Variants in TMTC2 observed in about 807,000 individuals in gnomAD.
TMTC2 encodes protein O-mannosyl-transferase TMTC2.
TMTC2 carries 43 observed loss-of-function variants against 82.4 expected under a neutral mutation model. The ratio of observed to expected loss-of-function variants is 0.52; its 90% CI spans 0.41 to 0.67. The LOEUF (loss-of-function observed/expected upper bound fraction) is 0.67. Among genes scored for constraint, TMTC2 ranks in the 30% least tolerant of loss-of-function variants. TMTC2 has a pLI of 0.00. For synonymous variants in TMTC2, 408 were observed against 381.9 expected (o/e 1.07, Z -0.80); for missense variants, 919 against 1,012.4 (o/e 0.91, Z 1.25).
At chr12:83,019,959 T>G (rs1457658574) in intron 8 of TMTC2, among the ~76,000 whole-genome samples, 1 of 152,198 alleles carries the variant, frequency 6.6e-6, no homozygotes, top group African/African-American at 2.4e-5. Context: ...TCACTCAACC[T>G]GGGCTTCACA....
intron 2 of TMTC2, among the ~76,000 whole-genome samples, chr12:82,891,373 G>T (rs1467798115): frequency 6.6e-6 from 1 of 152,058 alleles, no homozygotes; most frequent in Non-Finnish European, 1.5e-5. Flanking sequence ...CAATGACGGG[G>T]CCTCGGCTCA....
Position 83,077,263 on chromosome 12 carries a change from G to A in TMTC2, c.2331+15432G>A, listed in dbSNP as rs149223404. On this transcript the variant is annotated intron_variant, in intron 11 of 11. Transcript: ENST00000321196. ...GCAGCCATAAGACACTCATGGGAGT[G>A]GTGCCCGTGCTATGCCTGGAGGATA... Among the ~76,000 whole-genome samples, 4 of 152,312 alleles carry A rather than the reference G, an allele frequency of 2.6e-5. No individual in the cohort carries two copies. In the East Asian group the frequency reaches 7.7e-4, roughly 29 times the overall value.
chr12:82,923,165 C>G (rs1875493645), intron 3 of TMTC2, among the ~76,000 whole-genome samples: 1 of 152,150 alleles, frequency 6.6e-6, no homozygotes, highest in Admixed American at 6.5e-5. Context: ...TGACCTTATC[C>G]ATTTTTCTAT....
chr12:82,963,421 C>T (rs1878030529), intron 4 of TMTC2, among the ~76,000 whole-genome samples: 1 of 151,694 alleles, frequency 6.6e-6, no homozygotes, highest in Non-Finnish European at 1.5e-5. Context: ...TCCCCTGGTG[C>T]ACTTACCCTT....
At chr12:82,876,658 G>A (rs1285350757) in intron 2 of TMTC2, among the ~76,000 whole-genome samples, 5 of 151,988 alleles carry the variant, frequency 3.3e-5, no homozygotes, top group African/African-American at 1.2e-4. Context: ...TGTTTAATTA[G>A]TCTTTTTAAG....
intron 2 of TMTC2, among the ~76,000 whole-genome samples, chr12:82,865,924 C>T (rs866300555): frequency 2.0e-5 from 3 of 152,016 alleles, no homozygotes; most frequent in Admixed American, 6.6e-5. Flanking sequence ...GGGTACATAA[C>T]GAAATGAAGG....
intron 9 of TMTC2, among the ~76,000 whole-genome samples, chr12:83,041,797 G>GT (rs1881905877): frequency 6.6e-6 from 1 of 152,072 alleles, no homozygotes; most frequent in Non-Finnish European, 1.5e-5. Context: ...CATTATTTCC[G>GT]TAAGTACACG....
At chr12:82,785,468 A>G (rs1020300307) in intron 1 of TMTC2, among the ~76,000 whole-genome samples, 18 of 147,534 alleles carry the variant, frequency 1.2e-4, no homozygotes, top group Non-Finnish European at 5.9e-5. Flanking sequence ...TTTTCTGTGT[A>G]TCACATGACT....
Position 83,084,386 on chromosome 12 carries a change from A to C in TMTC2, c.2331+22555A>C, listed in dbSNP as rs188821646. Among the ~76,000 whole-genome samples, 415 of 152,292 alleles carry C rather than the reference A, an allele frequency of 2.7e-3. 5 individuals are homozygous for C. The highest frequency in any genetic ancestry group is 8.6e-3 in the African/African-American group (358 of 41,574). ...TACTTTTAAAAACATAACTTACATA[A>C]TAAAGGTAGAAGCTTTTTATTTCCC... On this transcript the variant is annotated intron_variant, in intron 11 of 11. Transcript: ENST00000321196.
chr12:82,724,363 A>G (rs1366689534), intron 1 of TMTC2, among the ~76,000 whole-genome samples: 2 of 152,182 alleles, frequency 1.3e-5, no homozygotes, highest in African/African-American at 2.4e-5. Flanking sequence ...CTCGAATTGT[A>G]TATGTATAAC....
intron 8 of TMTC2, among the ~76,000 whole-genome samples, chr12:82,991,094 T>C (rs1264033704): frequency 6.6e-6 from 1 of 152,192 alleles, no homozygotes; most frequent in Non-Finnish European, 1.5e-5. Context: ...ATCCCCTTTT[T>C]ATAAATGAAG....
At chr12:82,846,832 G>A (rs556902091) in intron 1 of TMTC2, among the ~76,000 whole-genome samples, 8 of 151,956 alleles carry the variant, frequency 5.3e-5, no homozygotes, top group Non-Finnish European at 1.2e-4. Context: ...TTACAAAGTT[G>A]TCATTTTTGT....
chr12:82,784,205 A>G (rs1393751739), intron 1 of TMTC2, among the ~76,000 whole-genome samples: 1 of 152,082 alleles, frequency 6.6e-6, no homozygotes, highest in African/African-American at 2.4e-5. Flanking sequence ...TGGAAACCCG[A>G]ATAATGTGAC....
intron 1 of TMTC2, among the ~76,000 whole-genome samples, chr12:82,849,423 C>T (rs1245995862): frequency 6.6e-6 from 1 of 152,036 alleles, no homozygotes. Context: ...AAATTAGAGG[C>T]AGATTCAAGG....
intron 10 of TMTC2, among the ~76,000 whole-genome samples, chr12:83,056,617 G>A (rs1882552539): frequency 6.6e-6 from 1 of 151,942 alleles, no homozygotes; most frequent in South Asian, 2.1e-4. Context: ...GCTTACGTGT[G>A]TGTATCTTGG....
chr12:82,842,816 G>C (rs1345088840), intron 1 of TMTC2, among the ~76,000 whole-genome samples: 4 of 152,110 alleles, frequency 2.6e-5, no homozygotes, highest in Non-Finnish European at 5.9e-5. Context: ...TGATGTCTCT[G>C]TGTGTGTCCA....
intron 4 of TMTC2, among the ~76,000 whole-genome samples, chr12:82,953,044 G>A (rs1037490273): frequency 2.6e-5 from 4 of 152,094 alleles, no homozygotes; most frequent in Non-Finnish European, 5.9e-5. Flanking sequence ...CTTGCTGGTT[G>A]GACAGTTTTA....
chr12:82,856,985 T>C (rs755300665), intron 1 of TMTC2, 25 bp from the exon 2 acceptor site: 2 of 1,572,102 alleles, frequency 1.3e-6, no homozygotes, highest in Non-Finnish European at 1.7e-6. Flanking sequence ...TTACATTTGA[T>C]TTTTTTTAAC....
At chr12:82,940,247 C>T (rs1876638109) in intron 4 of TMTC2, among the ~76,000 whole-genome samples, 1 of 151,780 alleles carries the variant, frequency 6.6e-6, no homozygotes, top group South Asian at 2.1e-4. Flanking sequence ...GAACTCCGGA[C>T]CTCAGGTGAT....
Sources: allele counts gnomAD v4.1 joint callset (sites outside exome capture counted in the v4.1 genomes callset), GRCh38; gene constraint gnomAD v4.1.1; transcripts MANE v1.5; gene names NCBI Gene and HGNC (gene_info 2026-07-23, HGNC 2026-07-21).